Variants in PLS1 observed in about 807,000 individuals in gnomAD.
PLS1 encodes plastin-1.
PLS1 carries 32 observed loss-of-function variants against 73.7 expected under a neutral mutation model. The ratio of observed to expected loss-of-function variants is 0.43; its 90% CI spans 0.33 to 0.58. The LOEUF (loss-of-function observed/expected upper bound fraction) is 0.58, where lower values mean the gene tolerates loss of function less well. PLS1 is among the 20% of genes least tolerant of loss of function. PLS1 has a pLI of 0.04. For missense variants in PLS1, 633 were observed against 740.5 expected (o/e 0.85, Z 1.68); for synonymous variants, 217 against 261.3 (o/e 0.83, Z 1.63).
chr3:142,655,445 G>T (rs1327040397), intron 1 of PLS1, among the ~76,000 whole-genome samples: 8 of 152,152 alleles, frequency 5.3e-5, no homozygotes, highest in Admixed American at 3.3e-4. Context: ...CACAAGCCGG[G>T]CACCGTGGCT....
At chr3:142,641,311 A>T (rs1377663451) in intron 1 of PLS1, among the ~76,000 whole-genome samples, 1 of 146,770 alleles carries the variant, frequency 6.8e-6, no homozygotes, top group Non-Finnish European at 1.5e-5. Context: ...AATAATATAT[A>T]TATTTATGTT....
intron 1 of PLS1, among the ~76,000 whole-genome samples, chr3:142,602,471 G>T (rs138360217): frequency 9.9e-5 from 15 of 152,236 alleles, no homozygotes; most frequent in African/African-American, 3.4e-4. Flanking sequence ...CCCCCAGGAA[G>T]AATCCAGGTG....
chr3:142,598,802 C>G (rs1245570430), intron 1 of PLS1, among the ~76,000 whole-genome samples: 1 of 152,062 alleles, frequency 6.6e-6, no homozygotes, highest in African/African-American at 2.4e-5. Context: ...TTGAGACCAT[C>G]CTGGCTAACA....
intron 1 of PLS1, among the ~76,000 whole-genome samples, chr3:142,605,487 C>A (rs2036001364): frequency 6.6e-6 from 1 of 152,190 alleles, no homozygotes; most frequent in South Asian, 2.1e-4. Flanking sequence ...TCTCCTGCTT[C>A]ATCCTCCCCA....
chr3:142,607,173 A>C (rs1213285599), intron 1 of PLS1, among the ~76,000 whole-genome samples: 1 of 152,224 alleles, frequency 6.6e-6, no homozygotes, highest in Admixed American at 6.5e-5. Flanking sequence ...AAAAAAAACC[A>C]ATAGACTTTA....
chr3:142,665,769 G>C (rs184482379), intron 2 of PLS1, among the ~76,000 whole-genome samples: 26 of 151,656 alleles, frequency 1.7e-4, no homozygotes, highest in Admixed American at 1.4e-3. Context: ...TTTATTTAAT[G>C]ATATATTGAA....
intron 1 of PLS1, among the ~76,000 whole-genome samples, chr3:142,628,945 C>G (rs367706647): frequency 6.6e-5 from 10 of 152,318 alleles, no homozygotes; most frequent in African/African-American, 1.9e-4. Flanking sequence ...AGCAGAATGA[C>G]GAAATTCTCT....
intron 9 of PLS1, 43 bp downstream of exon 9, chr3:142,686,419 A>C (rs759377420): frequency 1.4e-5 from 16 of 1,146,268 alleles, no homozygotes; most frequent in African/African-American, 3.0e-5. Context: ...GTGGTAAAAC[A>C]GACGTAGAAA....
chr3:142,602,847 G>C (rs776255286), intron 1 of PLS1, among the ~76,000 whole-genome samples: 1 of 151,872 alleles, frequency 6.6e-6, no homozygotes, highest in African/African-American at 2.4e-5. Flanking sequence ...TGGCTTCACC[G>C]GGCTAATTTT....
At chr3:142,663,573 C>G (rs536836268) in intron 1 of PLS1, among the ~76,000 whole-genome samples, 16 of 152,268 alleles carry the variant, frequency 1.1e-4, no homozygotes, top group African/African-American at 3.9e-4. Flanking sequence ...GTGGCACATG[C>G]CTGTAGTCCT....
chr3:142,609,769 T>C (rs2036085279), intron 1 of PLS1, among the ~76,000 whole-genome samples: 1 of 152,228 alleles, frequency 6.6e-6, no homozygotes, highest in African/African-American at 2.4e-5. Flanking sequence ...TGATTTCCAT[T>C]TGTGGATATG....
chr3:142,673,155 C>T (rs1424849337), intron 4 of PLS1, among the ~76,000 whole-genome samples: 3 of 152,170 alleles, frequency 2.0e-5, no homozygotes, highest in African/African-American at 7.2e-5. Flanking sequence ...GATCCTCCCA[C>T]CTCAGCCTCC....
intron 3 of PLS1, among the ~76,000 whole-genome samples, 162 bp from the exon 4 acceptor site, chr3:142,670,831 T>C (rs1451299107): frequency 6.6e-6 from 1 of 152,258 alleles, no homozygotes; most frequent in Non-Finnish European, 1.5e-5. Flanking sequence ...TATTTTGTGT[T>C]ATTGGTAAAA....
chr3:142,610,624 G>A (rs2036104903), intron 1 of PLS1, among the ~76,000 whole-genome samples: 1 of 152,046 alleles, frequency 6.6e-6, no homozygotes, highest in African/African-American at 2.4e-5. Flanking sequence ...GAATTCTCTT[G>A]TTAGTTTGTC....
intron 12 of PLS1, among the ~76,000 whole-genome samples, chr3:142,701,423 T>G (rs1375752318): frequency 6.6e-6 from 1 of 152,220 alleles, no homozygotes; most frequent in Non-Finnish European, 1.5e-5. Flanking sequence ...TTTTGAGTAT[T>G]GTGTTGGTGC....
At position 142,703,986 on chromosome 3, in the gene PLS1, G is replaced by A; in HGVS notation, c.1490G>A (p.Trp497Ter). Reference protein sequence around the residue: ...GNSTLTLALVWQLMRRYTLNV... With the variant: ...GNSTLTLALV ...TCAACACTTACCCTGGCATTGGTAT[G>A]GCAGCTGATGAGAAGGTAAAGGCTG... The change falls in exon 13 of 16, where the codon TGG becomes TAG. Residue 497 changes from tryptophan (W) to a stop codon, truncating the protein, a stop_gained. Coordinates refer to ENST00000457734, the MANE Select transcript of PLS1 (RefSeq NM_001145319.2). LOFTEE classifies it high-confidence loss of function. 2 of 1,614,024 alleles carry A rather than the reference G, an allele frequency of 1.2e-6. No individual in the cohort carries two copies. The highest frequency in any genetic ancestry group is 1.7e-6 in the Non-Finnish European group (2 of 1,179,940).
rs547037433 is a variant in PLS1, at chr3:142,646,876, C to T, written c.-36-17326C>T. ...TAGCAAGTAGGAAGATTAAATCTTT[C>T]CACTGTCAGTAGGTAAGGCAACACA... is the stretch of plus-strand genomic sequence containing the variant. On this transcript the variant is annotated intron_variant, in intron 1 of 15. Transcript: ENST00000457734. 2.0e-5 allele frequency among the ~76,000 whole-genome samples: 3 copies of T among 152,342 alleles called. No individual in the cohort carries two copies. In the South Asian group the frequency reaches 6.2e-4, roughly 32 times the overall value.
intron 6 of PLS1, 151 bp from the exon 7 acceptor site, chr3:142,683,855 G>GT (rs202243528): frequency 0.15 from 67,451 of 444,820 alleles, 638 homozygotes; most frequent in African/African-American, 0.19. Context: ...AAAACCATGT[G>GT]TTTTTTTTTT....
intron 1 of PLS1, among the ~76,000 whole-genome samples, chr3:142,631,061 A>G (rs1390867091): frequency 6.6e-6 from 1 of 151,928 alleles, no homozygotes; most frequent in African/African-American, 2.4e-5. Flanking sequence ...GGTGTTGGAA[A>G]ATTGGATATC....
Sources: allele counts gnomAD v4.1 joint callset (sites outside exome capture counted in the v4.1 genomes callset), GRCh38; gene constraint gnomAD v4.1.1; transcripts MANE v1.5; gene names NCBI Gene and HGNC (gene_info 2026-07-23, HGNC 2026-07-21).